Variants in FSTL5 observed in about 807,000 individuals in gnomAD.
FSTL5 encodes follistatin-related protein 5.
Under a neutral mutation model 89.1 loss-of-function variants are expected in FSTL5, and 62 were observed. The observed-to-expected ratio is 0.70, with a 90% CI of 0.57 to 0.86. The LOEUF (loss-of-function observed/expected upper bound fraction) is 0.86, where lower values mean the gene tolerates loss of function less well. Ranked by LOEUF, FSTL5 falls within the 40% of genes least tolerant of loss-of-function variation. The pLI, the probability that FSTL5 is intolerant of heterozygous loss-of-function variation, is 0.00. For missense variants in FSTL5, 1,057 were observed against 1,001.6 expected (o/e 1.06, Z -0.75); for synonymous variants, 383 against 346.2 (o/e 1.11, Z -1.18).
intron 2 of FSTL5, among the ~76,000 whole-genome samples, chr4:162,088,119 T>A (rs896462278): frequency 1.3e-5 from 2 of 152,092 alleles, no homozygotes; most frequent in South Asian, 2.1e-4. Flanking sequence ...GCCCAAATTA[T>A]GATATTTAAA....
At chr4:161,906,463 T>C (rs1229281973) in intron 4 of FSTL5, among the ~76,000 whole-genome samples, 1 of 152,022 alleles carries the variant, frequency 6.6e-6, no homozygotes, top group African/African-American at 2.4e-5. Flanking sequence ...AACAGTTGAG[T>C]CTTGAATTTT....
At chr4:162,112,455 A>G (rs1345607506) in intron 1 of FSTL5, among the ~76,000 whole-genome samples, 2 of 152,106 alleles carry the variant, frequency 1.3e-5, no homozygotes, top group Non-Finnish European at 2.9e-5. Context: ...TATCTTGTCC[A>G]GGCTAGTCTT....
At chr4:161,640,694 A>G (rs1354303878) in intron 7 of FSTL5, among the ~76,000 whole-genome samples, 1 of 137,502 alleles carries the variant, frequency 7.3e-6, no homozygotes, top group East Asian at 1.9e-4. Context: ...GAGTTCCAAC[A>G]CATGCATTGT....
chr4:161,990,134 T>A (rs1199934964), intron 3 of FSTL5, among the ~76,000 whole-genome samples: 1 of 152,176 alleles, frequency 6.6e-6, no homozygotes, highest in Non-Finnish European at 1.5e-5. Flanking sequence ...ACTACACAGT[T>A]AGTGAATTCT....
At chr4:161,699,304 C>A (rs1281809280) in intron 6 of FSTL5, among the ~76,000 whole-genome samples, 1 of 152,128 alleles carries the variant, frequency 6.6e-6, no homozygotes, top group Admixed American at 6.5e-5. Context: ...AGATTTCATG[C>A]AAATGGCTAT....
chr4:161,803,312 C>A (rs1268352864), intron 4 of FSTL5, among the ~76,000 whole-genome samples: 1 of 151,920 alleles, frequency 6.6e-6, no homozygotes, highest in African/African-American at 2.4e-5. Flanking sequence ...AATACACAAT[C>A]TATATTGTCT....
chr4:161,604,650 G>C (rs1027589504), intron 7 of FSTL5, among the ~76,000 whole-genome samples: 1 of 152,124 alleles, frequency 6.6e-6, no homozygotes, highest in African/African-American at 2.4e-5. Context: ...CACCCAAAGT[G>C]GTACAGGAGG....
At chr4:161,897,378 C>T (rs1733194686) in intron 4 of FSTL5, among the ~76,000 whole-genome samples, 2 of 151,326 alleles carry the variant, frequency 1.3e-5, no homozygotes, top group African/African-American at 4.8e-5. Flanking sequence ...ATGATACCTA[C>T]AACTTGTTAT....
chr4:162,162,184 A>G (rs556971442), intron 1 of FSTL5, among the ~76,000 whole-genome samples: 1 of 152,220 alleles, frequency 6.6e-6, no homozygotes, highest in South Asian at 2.1e-4. Context: ...AAAAATCTCT[A>G]CCTAGAGGAT....
intron 1 of FSTL5, among the ~76,000 whole-genome samples, chr4:162,163,128 T>G (rs915727620): frequency 6.6e-6 from 1 of 152,154 alleles, no homozygotes; most frequent in Admixed American, 6.5e-5. Flanking sequence ...AAGAGAGCTC[T>G]GCACTTTGAA....
chr4:161,571,467 G>A (rs1733007494), intron 8 of FSTL5, among the ~76,000 whole-genome samples: 1 of 151,914 alleles, frequency 6.6e-6, no homozygotes, highest in Non-Finnish European at 1.5e-5. Flanking sequence ...AAAGAAAAAA[G>A]TCCACATCAA....
At chr4:161,487,884 C>T (rs1729734667) in intron 12 of FSTL5, among the ~76,000 whole-genome samples, 1 of 152,026 alleles carries the variant, frequency 6.6e-6, no homozygotes, top group South Asian at 2.1e-4. Context: ...AAATACAACA[C>T]AGTTACTTTT....
At chr4:161,807,145 G>C (rs1729994125) in intron 4 of FSTL5, among the ~76,000 whole-genome samples, 1 of 150,774 alleles carries the variant, frequency 6.6e-6, no homozygotes, top group Non-Finnish European at 1.5e-5. Flanking sequence ...TGATTAATTT[G>C]AATGATAAAT....
chr4:162,031,925 G>C (rs540657850), intron 3 of FSTL5, among the ~76,000 whole-genome samples: 1 of 151,992 alleles, frequency 6.6e-6, no homozygotes, highest in Non-Finnish European at 1.5e-5. Context: ...GCAACAGAGC[G>C]AGACTCCATG....
At chr4:161,452,579 A>G (rs1358908794) in intron 15 of FSTL5, among the ~76,000 whole-genome samples, 3 of 152,114 alleles carry the variant, frequency 2.0e-5, no homozygotes, top group Non-Finnish European at 4.4e-5. Flanking sequence ...TGTTAAAACT[A>G]CCTTACATAG....
intron 2 of FSTL5, among the ~76,000 whole-genome samples, chr4:162,097,345 T>C (rs1163013166): frequency 6.6e-6 from 1 of 151,864 alleles, no homozygotes; most frequent in African/African-American, 2.4e-5. Flanking sequence ...TATATTTGTG[T>C]GTATATGTAA....
chr4:161,511,339 A>G (rs1173855969), intron 10 of FSTL5, among the ~76,000 whole-genome samples: 5 of 152,174 alleles, frequency 3.3e-5, no homozygotes, highest in African/African-American at 1.2e-4. Flanking sequence ...GGCCCAAGTC[A>G]TGCAGTTTTC....
chr4:161,654,485 TTC>T (rs1736448901), intron 7 of FSTL5, among the ~76,000 whole-genome samples: 1 of 152,146 alleles, frequency 6.6e-6, no homozygotes, highest in African/African-American at 2.4e-5. Flanking sequence ...GTGCTCAATG[TTC>T]TTGGCATCTT....
At chr4:162,002,952 G>A (rs1265067188) in intron 3 of FSTL5, among the ~76,000 whole-genome samples, 3 of 151,938 alleles carry the variant, frequency 2.0e-5, no homozygotes, top group African/African-American at 4.8e-5. Flanking sequence ...AGACCACCCT[G>A]GCTAACACAG....
Sources: gnomAD v4.1 joint callset for allele counts (sites outside exome capture counted in the v4.1 genomes callset) on GRCh38, gnomAD v4.1.1 for gene constraint, MANE v1.5 for transcripts, NCBI Gene and HGNC (gene_info 2026-07-23, HGNC 2026-07-21) for gene names.